PDE4A: variants seen among roughly 807,000 people sequenced by gnomAD.
PDE4A encodes the protein phosphodiesterase 4A.
A neutral mutation model predicts 73.9 loss-of-function variants in PDE4A; 21 were observed. That is an observed-to-expected ratio of 0.28 (90% CI 0.20 to 0.41). PDE4A has a LOEUF of 0.41. Ranked by LOEUF, PDE4A falls within the 10% of genes least tolerant of loss-of-function variation. The pLI, the probability that PDE4A is intolerant of heterozygous loss-of-function variation, is 1.00. For synonymous variants in PDE4A, 463 were observed against 505.4 expected, an observed-to-expected ratio of 0.92 and a Z score of 1.13; for missense variants, 958 against 1,211.4, an observed-to-expected ratio of 0.79 and a Z score of 3.10.
At position 10,459,626 on chromosome 19, in the gene PDE4A, C is replaced by G; in HGVS notation, c.1232C>G (p.Pro411Arg). ...ERDLLKKFRI[P>R]VDTMVTYMLT... ...GACCTGCTGAAGAAATTCCGCATCC[C>G]TGTGGACACGATGGTGACATACATG... The change falls in exon 10 of 15, where the codon CCT becomes CGT. Residue 411 changes from proline (P) to arginine (R), a missense_variant. By Grantham distance (103) the Pro-to-Arg change is moderately radical (BLOSUM62 -2). Coordinates refer to ENST00000380702, the MANE Select transcript of PDE4A (RefSeq NM_001111307.2). 6.2e-7 allele frequency: 1 copy of G among 1,614,252 alleles called. No individual in the cohort carries two copies. Among genetic ancestry groups the G allele is most frequent in the Admixed American group, 1.7e-5 (1 of 60,026 alleles).
intron 1 of PDE4A, chr19:10,432,405 T>G: frequency 7.2e-7 from 1 of 1,379,886 alleles, no homozygotes; most frequent in Non-Finnish European, 9.3e-7. Context: ...GCCGTCCCCA[T>G]GCGCGCCCCG....
intron 14 of PDE4A, among the ~76,000 whole-genome samples, chr19:10,464,645 T>A (rs952984486): frequency 6.6e-6 from 1 of 152,118 alleles, no homozygotes; most frequent in Non-Finnish European, 1.5e-5. Context: ...CTTGAACTCC[T>A]GGGCTCAAAC....
upstream of PDE4A, chr19:10,417,674 C>A: frequency 6.3e-7 from 1 of 1,594,896 alleles, no homozygotes. Flanking sequence ...CGAGGGAGAC[C>A]CCCGAATCCG....
At chr19:10,460,939 A>G in intron 10 of PDE4A, 65 bp from the exon 11 acceptor site, 2 of 1,522,558 alleles carry the variant, frequency 1.3e-6, no homozygotes, top group Non-Finnish European at 1.8e-6. Context: ...GGTGAGACAA[A>G]CAGGTGCTCA....
chr19:10,465,339 G>A lies in PDE4A; in HGVS notation c.1926+1364G>A, dbSNP rs77783303. On this transcript the variant is annotated intron_variant, in intron 14 of 14. Coordinates refer to ENST00000380702, the MANE Select transcript of PDE4A (RefSeq NM_001111307.2). ...GGGTTCAAGCGATTCTCCTGCCTCA[G>A]CCTCCCGAGAAGCTGGAATTACAGG... Among the ~76,000 whole-genome samples the A allele has an allele frequency of 5.1e-3, 770 of 151,922 alleles. 11 individuals are homozygous for A. Among genetic ancestry groups the A allele is most frequent in the East Asian group, 0.032 (167 of 5,140 alleles).
intron 1 of PDE4A, among the ~76,000 whole-genome samples, chr19:10,428,527 G>A (rs1243096192): frequency 6.6e-6 from 1 of 152,164 alleles, no homozygotes; most frequent in African/African-American, 2.4e-5. Context: ...CTAGTATAGT[G>A]ATTTGCATAT....
At chr19:10,466,430 G>A (rs1195525348) in intron 14 of PDE4A, among the ~76,000 whole-genome samples, 2 of 111,486 alleles carry the variant, frequency 1.8e-5, no homozygotes, top group Non-Finnish European at 3.5e-5. Flanking sequence ...GGGTGACAGA[G>A]CAAGACTCCG....
At chr19:10,450,581 C>A in intron 4 of PDE4A, 22 bp from the exon 5 acceptor site, 1 of 1,592,948 alleles carries the variant, frequency 6.3e-7, no homozygotes, top group Non-Finnish European at 8.5e-7. Context: ...GACATTGCAG[C>A]CCCATTTTTT....
chr19:10,421,491 G>A (rs1482758930), intron 1 of PDE4A, among the ~76,000 whole-genome samples: 2 of 152,168 alleles, frequency 1.3e-5, no homozygotes, highest in African/African-American at 4.8e-5. Flanking sequence ...CACTCCATAA[G>A]GGGGTGCCTG....
chr19:10,442,709 C>T (rs530871001), intron 1 of PDE4A, among the ~76,000 whole-genome samples: 2 of 150,384 alleles, frequency 1.3e-5, no homozygotes, highest in South Asian at 4.2e-4. Flanking sequence ...TTACTTATTA[C>T]ATATTACCTT....
rs1257376333 is a variant in PDE4A, at chr19:10,467,752, G to GT, written c.*138dup. 3.1e-5 allele frequency: 20 copies of GT among 643,462 alleles called. No homozygotes were observed. Among genetic ancestry groups the GT allele is most frequent in the Non-Finnish European group, 4.5e-5 (19 of 420,446 alleles). 39.9% of individuals were successfully genotyped at this position (643,462 alleles called of 1,614,324 possible). ...GAGAAAAAAGAAAACGAAAAGTGGGGTTTTTTTCTGTTTTCTTTTTTTCCC... is the reference window on the plus strand; with the variant it reads ...GAGAAAAAAGAAAACGAAAAGTGGGGTTTTTTTTCTGTTTTCTTTTTTTCCC... On this transcript the variant is annotated 3_prime_UTR_variant, in exon 15 of 15. Transcript: ENST00000380702.
At chr19:10,426,288 G>A (rs1204014272) in intron 1 of PDE4A, among the ~76,000 whole-genome samples, 1 of 152,190 alleles carries the variant, frequency 6.6e-6, no homozygotes, top group Non-Finnish European at 1.5e-5. Flanking sequence ...CAAACACTGA[G>A]CGCCTTCAGA....
Position 10,452,970 on chromosome 19 carries a change from C to G in PDE4A, c.784-1859C>G, listed in dbSNP as rs926210293. On this transcript the variant is annotated intron_variant, in intron 6 of 14. Coordinates refer to ENST00000380702, the MANE Select transcript of PDE4A (RefSeq NM_001111307.2). ...CACACACAGAGCTCCGCAGCCTCCT[C>G]CTGGGACCCTTGCCCTGCCCCCCTC... 7 of 1,233,838 alleles carry G rather than the reference C, an allele frequency of 5.7e-6. No individual in the cohort carries two copies. In the African/African-American group the frequency reaches 8.0e-5, roughly 14 times the overall value. The allele number at this position is 1,233,838 out of a possible 1,614,324, so 76.4% of individuals were successfully genotyped here.
At chr19:10,433,889 G>C (rs989032093) in intron 1 of PDE4A, among the ~76,000 whole-genome samples, 2 of 151,810 alleles carry the variant, frequency 1.3e-5, no homozygotes, top group African/African-American at 2.4e-5. Context: ...TGTGCGCCCC[G>C]GGGGAAGACA....
intron 6 of PDE4A, among the ~76,000 whole-genome samples, chr19:10,454,096 G>A (rs2043135393): frequency 6.6e-6 from 1 of 152,098 alleles, no homozygotes; most frequent in Non-Finnish European, 1.5e-5. Flanking sequence ...GGACCAGGAG[G>A]GGCCTCCAAG....
At position 10,424,584 on chromosome 19, in the gene PDE4A, C is replaced by G. The variant is rs1247110908; in HGVS notation, c.320+3500C>G. Reference sequence around the variant, plus strand: ...CGGAGCAAAGCAAAGTCGCCGCCACCGTCGCGGCGCCCGGTATTATTATTT... The same window carrying G: ...CGGAGCAAAGCAAAGTCGCCGCCACGGTCGCGGCGCCCGGTATTATTATTT... On this transcript the variant is annotated intron_variant, in intron 1 of 14. Transcript: ENST00000380702. The surrounding 1 kb of genome is among the most constrained non-coding windows in gnomAD (Gnocchi z 4.8). Among the ~76,000 whole-genome samples the G allele has an allele frequency of 6.6e-6, 1 of 152,256 alleles. No homozygotes were observed. Among genetic ancestry groups the G allele is most frequent in the African/African-American group, 2.4e-5 (1 of 41,464 alleles).
intron 1 of PDE4A, among the ~76,000 whole-genome samples, chr19:10,437,797 C>T (rs1336020988): frequency 6.8e-6 from 1 of 147,022 alleles, no homozygotes; most frequent in Non-Finnish European, 1.5e-5. Context: ...CACCATCCAT[C>T]TCCAGGACTG....
rs372471203 is a variant in PDE4A, at chr19:10,459,516, G to A, written c.1200+18G>A. 6.2e-7 allele frequency: 1 copy of A among 1,612,232 alleles called. No individual in the cohort carries two copies. The highest frequency in any genetic ancestry group is 8.5e-7 in the Non-Finnish European group (1 of 1,178,498). Reference sequence around the variant, plus strand: ...TATTCCAGGTGATGGGGACAGCTGGGAGTGGGCCCGGGTGAGGGGCTCATA... The same window carrying A: ...TATTCCAGGTGATGGGGACAGCTGGAAGTGGGCCCGGGTGAGGGGCTCATA... On this transcript the variant is annotated intron_variant, in intron 9 of 14. Coordinates refer to ENST00000380702, the MANE Select transcript of PDE4A (RefSeq NM_001111307.2).
intron 1 of PDE4A, among the ~76,000 whole-genome samples, chr19:10,432,804 G>C (rs1207167527): frequency 6.6e-6 from 1 of 152,190 alleles, no homozygotes; most frequent in Non-Finnish European, 1.5e-5. Context: ...TCCAAGGTAG[G>C]ACCCGTCACC....
Sources: gnomAD v4.1 joint callset for allele counts (sites outside exome capture counted in the v4.1 genomes callset) on GRCh38, gnomAD v4.1.1 for gene constraint, Gnocchi (gnomAD v3.1) non-coding constraint, MANE v1.5 for transcripts, NCBI Gene and HGNC (gene_info 2026-07-23, HGNC 2026-07-21) for gene names.